The following CCBE1 variants were observed in gnomAD, a reference collection of about 807,000 sequenced individuals.
CCBE1 encodes the protein collagen and calcium binding EGF domains 1.
CCBE1 carries 37 observed loss-of-function variants against 50.0 expected under a neutral mutation model. The ratio of observed to expected loss-of-function variants is 0.74; its 90% confidence interval spans 0.57 to 0.97. CCBE1 has a LOEUF of 0.97. Ranked by LOEUF, CCBE1 falls within the 50% of genes least tolerant of loss-of-function variation. The pLI is 0.00. For missense variants in CCBE1, 538 were observed against 523.8 expected (o/e 1.03, Z -0.26); for synonymous variants, 234 against 203.7 (o/e 1.15, Z -1.27).
chr18:59,633,488 T>C (rs1438920393), intron 2 of CCBE1, among the ~76,000 whole-genome samples: 2 of 152,252 alleles, frequency 1.3e-5, no homozygotes, highest in African/African-American at 4.8e-5. Flanking sequence ...CCTCTTGCTA[T>C]TGCGCTCGGG....
intron 2 of CCBE1, among the ~76,000 whole-genome samples, chr18:59,646,322 G>A (rs1037473216): frequency 6.6e-6 from 1 of 152,206 alleles, no homozygotes; most frequent in Non-Finnish European, 1.5e-5. Flanking sequence ...TTAGGAATGG[G>A]AGCAGGACTA....
At chr18:59,494,207 G>T (rs1363432277) in intron 2 of CCBE1, among the ~76,000 whole-genome samples, 3 of 152,218 alleles carry the variant, frequency 2.0e-5, no homozygotes, top group Non-Finnish European at 4.4e-5. Context: ...TACATAGGTT[G>T]GAGTTGCCTC....
chr18:59,495,820 CA>C (rs1913331305), intron 2 of CCBE1, among the ~76,000 whole-genome samples: 1 of 152,086 alleles, frequency 6.6e-6, no homozygotes, highest in Non-Finnish European at 1.5e-5. Flanking sequence ...GTTCTCCAGG[CA>C]ACTGCCGCTC....
chr18:59,580,206 T>C (rs1256750028), intron 2 of CCBE1, among the ~76,000 whole-genome samples: 1 of 152,148 alleles, frequency 6.6e-6, no homozygotes, highest in Non-Finnish European at 1.5e-5. Flanking sequence ...TCTGCTGAAA[T>C]AAACACATAT....
intron 2 of CCBE1, among the ~76,000 whole-genome samples, chr18:59,539,918 T>G (rs2564480): frequency 8.3e-4 from 126 of 152,332 alleles, no homozygotes; most frequent in Non-Finnish European, 1.6e-3. Flanking sequence ...TTATAATAAA[T>G]AAGCTTTTTT....
intron 2 of CCBE1, among the ~76,000 whole-genome samples, chr18:59,678,329 T>C (rs562122882): frequency 8.5e-5 from 13 of 152,286 alleles, no homozygotes; most frequent in African/African-American, 3.1e-4. Context: ...GGCTGTGGGA[T>C]TGTTTGATTC....
intron 2 of CCBE1, among the ~76,000 whole-genome samples, chr18:59,553,995 G>A (rs1599007979): frequency 6.6e-6 from 1 of 152,168 alleles, no homozygotes; most frequent in South Asian, 2.1e-4. Context: ...AATTAATGAA[G>A]ATAGAGTGTA....
intron 2 of CCBE1, among the ~76,000 whole-genome samples, chr18:59,497,903 A>G (rs543951864): frequency 1.8e-4 from 28 of 152,352 alleles, no homozygotes; most frequent in African/African-American, 6.7e-4. Context: ...TCCATGTGCC[A>G]GACCAATTAC....
chr18:59,565,604 A>G (rs1404816538), intron 2 of CCBE1, among the ~76,000 whole-genome samples: 1 of 152,152 alleles, frequency 6.6e-6, no homozygotes, highest in African/African-American at 2.4e-5. Context: ...TGCAAGATGA[A>G]CCTATGGGAC....
At chr18:59,691,441 T>C (rs986642491) in intron 2 of CCBE1, among the ~76,000 whole-genome samples, 2 of 152,242 alleles carry the variant, frequency 1.3e-5, no homozygotes, top group Admixed American at 6.5e-5. Flanking sequence ...AGTCTCGCTC[T>C]GTTGCCCAGG....
intron 6 of CCBE1, among the ~76,000 whole-genome samples, chr18:59,453,632 A>G (rs1303547593): frequency 1.3e-5 from 2 of 152,190 alleles, no homozygotes; most frequent in Non-Finnish European, 2.9e-5. Context: ...ATGTTTGTTG[A>G]ACATGGGAAA....
At chr18:59,658,551 G>A (rs1465561072) in intron 2 of CCBE1, among the ~76,000 whole-genome samples, 5 of 145,742 alleles carry the variant, frequency 3.4e-5, no homozygotes, top group Admixed American at 7.0e-5. Context: ...CTGGGTGACC[G>A]AGCAAGGCCC....
intron 2 of CCBE1, among the ~76,000 whole-genome samples, chr18:59,553,266 C>T (rs1421558311): frequency 6.6e-6 from 1 of 152,210 alleles, no homozygotes; most frequent in South Asian, 2.1e-4. Context: ...TGCATTATAG[C>T]TCAATTGATG....
chr18:59,488,016 A>G (rs1474275450), intron 2 of CCBE1, among the ~76,000 whole-genome samples: 2 of 152,268 alleles, frequency 1.3e-5, no homozygotes, highest in Non-Finnish European at 2.9e-5. Flanking sequence ...AGCCTTAAAA[A>G]GGAAATTCTG....
intron 2 of CCBE1, among the ~76,000 whole-genome samples, chr18:59,595,458 A>G (rs1316229131): frequency 6.6e-6 from 1 of 152,220 alleles, no homozygotes; most frequent in Non-Finnish European, 1.5e-5. Flanking sequence ...AAGATTAACT[A>G]TAATAAATCC....
intron 2 of CCBE1, among the ~76,000 whole-genome samples, chr18:59,560,935 T>G (rs1191981451): frequency 1.3e-5 from 2 of 152,152 alleles, no homozygotes; most frequent in African/African-American, 4.8e-5. Flanking sequence ...AGACCTGTAG[T>G]CCTAATGCAA....
At chr18:59,601,869 C>T (rs1377848657) in intron 2 of CCBE1, among the ~76,000 whole-genome samples, 1 of 152,220 alleles carries the variant, frequency 6.6e-6, no homozygotes, top group Admixed American at 6.5e-5. Flanking sequence ...TGCCACCATA[C>T]ACACCCTTCA....
chr18:59,653,517 A>G (rs1356890095), intron 2 of CCBE1, among the ~76,000 whole-genome samples: 1 of 152,216 alleles, frequency 6.6e-6, no homozygotes, highest in Non-Finnish European at 1.5e-5. Flanking sequence ...TGTGCTTTTC[A>G]CATTGTCTGC....
At chr18:59,522,212 G>T (rs902194594) in intron 2 of CCBE1, among the ~76,000 whole-genome samples, 2 of 149,566 alleles carry the variant, frequency 1.3e-5, no homozygotes, top group Admixed American at 6.7e-5. Flanking sequence ...CATGAATCTT[G>T]GTAATTTCTT....
Sources: gnomAD v4.1 joint callset for allele counts (sites outside exome capture counted in the v4.1 genomes callset) on GRCh38, gnomAD v4.1.1 for gene constraint, MANE v1.5 for transcripts, NCBI Gene and HGNC (gene_info 2026-07-23, HGNC 2026-07-21) for gene names.